Variants in MICU3 observed in about 807,000 individuals in gnomAD.
The protein encoded by MICU3 is mitochondrial calcium uptake 3.
In MICU3, 62 loss-of-function variants were observed where a neutral mutation model predicts 66.5. That is an observed-to-expected ratio of 0.93 (90% CI 0.76 to 1.15). The LOEUF (loss-of-function observed/expected upper bound fraction) is 1.15. MICU3 is among the 50% of genes most tolerant of loss of function. The pLI, the probability that MICU3 is intolerant of heterozygous loss-of-function variation, is 0.00. For missense variants in MICU3, 779 were observed against 664.4 expected, an observed-to-expected ratio of 1.17 and a Z score of -1.90; for synonymous variants, 308 against 240.7, an observed-to-expected ratio of 1.28 and a Z score of -2.59.
chr8:17,132,364 C>G, the MICU3 span: 1 of 152,272 alleles, frequency 6.6e-6, no homozygotes, highest in South Asian at 2.1e-4. Context: ...CCAGCCAGAA[C>G]CTGGTAGAGT....
chr8:17,027,316 C>A lies in MICU3; in HGVS notation c.37C>A (p.Arg13=), dbSNP rs761777555. 5.4e-5 allele frequency: 83 copies of A among 1,528,710 alleles called. No individual in the cohort carries two copies. The African/African-American group carries it at 9.7e-4, about 18-fold the overall frequency. 94.7% of individuals were successfully genotyped at this position (1,528,710 alleles called of 1,614,324 possible). ...GCGAAGGCTCTTGTGGCCGCCACCCCGGGTGTCTCCTCCACTCTGCGCTCA... is the reference window on the plus strand; with the variant it reads ...GCGAAGGCTCTTGTGGCCGCCACCCAGGGTGTCTCCTCCACTCTGCGCTCA... ...ALRRLLWPPP[R]VSPPLCAHQP... The change falls in exon 1 of 15, where the codon CGG becomes AGG. Residue 13 remains arginine (R), a synonymous_variant. Transcript: ENST00000318063.
Position 17,031,262 on chromosome 8 carries a change from T to TTTTTTTTTATTATTATTA in MICU3, c.381+3604_381+3605insTTTTTTATTATTATTATT, listed in dbSNP as rs111800861. 6.1e-3 allele frequency among the ~76,000 whole-genome samples: 843 copies of TTTTTTTTTATTATTATTA among 139,162 alleles called. 12 individuals are homozygous for TTTTTTTTTATTATTATTA. The highest frequency in any genetic ancestry group is 0.022 in the African/African-American group (797 of 37,046). The allele number at this position is 139,162 out of a possible 152,430, so 91.3% of individuals were successfully genotyped here. A position where few individuals can be genotyped will look rare whatever the true frequency, so the allele number is the denominator to read the frequency against. On this transcript the variant is annotated intron_variant, in intron 1 of 14. Transcript: ENST00000318063. ...ATTTTAAACCTATGCTGCCACTTCATTTATTATTATTATTATTATTATTAT... is the reference window on the plus strand; with the variant it reads ...ATTTTAAACCTATGCTGCCACTTCATTTTTTTTTATTATTATTATTATTATTATTATTATTATTATTAT...
In MICU3 at chr8:17,122,087, A is replaced by C. The variant is rs1455262491; in HGVS notation, c.*1800A>C. On this transcript the variant is annotated 3_prime_UTR_variant, in exon 15 of 15. Transcript: ENST00000318063. The stretch of plus-strand genomic sequence containing the variant: ...AAATTAGCCCATTGAAATCCTTTAT[A>C]ATTCTGTCATTTTCCCAAGGAAGAA... 1 of 151,792 alleles carries C rather than the reference A, an allele frequency of 6.6e-6. No homozygotes were observed. The highest frequency in any genetic ancestry group is 1.5e-5 in the Non-Finnish European group (1 of 67,730). 9.4% of individuals were successfully genotyped at this position (151,792 alleles called of 1,614,324 possible).
intron 6 of MICU3, 45 bp downstream of exon 6, chr8:17,085,363 T>C (rs755846418): frequency 6.0e-5 from 76 of 1,258,944 alleles, no homozygotes; most frequent in Non-Finnish European, 8.6e-5. Flanking sequence ...TAAATATTGC[T>C]TACTTATATT....
intron 1 of MICU3, among the ~76,000 whole-genome samples, chr8:17,036,401 G>T (rs557543566): frequency 6.6e-6 from 1 of 151,668 alleles, no homozygotes; most frequent in Non-Finnish European, 1.5e-5. Context: ...GGACCCGAGC[G>T]GGTTGCCAAT....
intron 1 of MICU3, among the ~76,000 whole-genome samples, chr8:17,046,749 G>GA: frequency 6.6e-6 from 1 of 151,910 alleles, no homozygotes; most frequent in Middle Eastern, 3.4e-3. Context: ...GATGGACAAG[G>GA]AAAAAAATCT....
In MICU3 at chr8:17,073,303, C is replaced by T. The variant is rs1327096909; in HGVS notation, c.567+3584C>T. Among the ~76,000 whole-genome samples, 6 of 152,282 alleles carry T rather than the reference C, an allele frequency of 3.9e-5. No individual in the cohort carries two copies. In the East Asian group the frequency reaches 1.2e-3, roughly 29 times the overall value. Reference sequence around the variant, plus strand: ...TCTCCATCACTCATTGCTCACATTACTGCCTGAGCTCTGCCTCCTGTTAGA... The same window carrying T: ...TCTCCATCACTCATTGCTCACATTATTGCCTGAGCTCTGCCTCCTGTTAGA... On this transcript the variant is annotated intron_variant, in intron 3 of 14. Transcript: ENST00000318063.
At chr8:17,123,935 A>G (rs1803334159), downstream of MICU3, among the ~76,000 whole-genome samples, 1 of 137,304 alleles carries the variant, frequency 7.3e-6, no homozygotes, top group Non-Finnish European at 1.6e-5. Flanking sequence ...TAAAAAGACA[A>G]CTCTAAAGTC....
At position 17,027,674 on chromosome 8, in the gene MICU3, C is replaced by G. The variant is rs776192080; in HGVS notation, c.381+14C>G. On this transcript the variant is annotated intron_variant, in intron 1 of 14. Transcript: ENST00000318063. ...GCCAAGGAGACGGTGAGTGCGCGAG[C>G]GCGCGTCACACCTGCGCGGGGGATG... The G allele has an allele frequency of 3.1e-6, 4 of 1,284,072 alleles. No homozygotes were observed. The highest frequency in any genetic ancestry group is 3.1e-5 in the African/African-American group (2 of 64,772). 79.5% of individuals were successfully genotyped at this position (1,284,072 alleles called of 1,614,324 possible).
At chr8:17,070,638 GTT>G (rs34903088) in intron 3 of MICU3, among the ~76,000 whole-genome samples, 31 of 140,114 alleles carry the variant, frequency 2.2e-4, no homozygotes, top group East Asian at 4.3e-4. Flanking sequence ...TTATAGATAT[GTT>G]TTTTTTTTTT....
chr8:17,088,398 G>A (rs1332844852), intron 7 of MICU3, among the ~76,000 whole-genome samples: 1 of 151,926 alleles, frequency 6.6e-6, no homozygotes, highest in Non-Finnish European at 1.5e-5. Flanking sequence ...TAGAGTATTA[G>A]CAAAGAAGAC....
Position 17,027,651 on chromosome 8 carries a change from C to G in MICU3, c.372C>G (p.Ala124=). 1 of 1,300,290 alleles carries G rather than the reference C, an allele frequency of 7.7e-7. No homozygotes were observed. 80.5% of individuals were successfully genotyped at this position (1,300,290 alleles called of 1,614,324 possible). A position where few individuals can be genotyped will look rare whatever the true frequency, so the allele number is the denominator to read the frequency against. ...TGCTGCCCATCCCAGTGGCGGCTGC[C>G]AAGGAGACGGTGAGTGCGCGAGCGC... is the stretch of plus-strand genomic sequence containing the variant. ...RGMLPIPVAA[A]KETVAIGRTD... The change falls in exon 1 of 15, where the codon GCC becomes GCG. Residue 124 remains alanine, a synonymous_variant. Coordinates refer to ENST00000318063, the MANE Select transcript of MICU3 (RefSeq NM_181723.3).
At chr8:17,129,734 A>C in the MICU3 span, among the ~76,000 whole-genome samples, 12 of 152,220 alleles carry the variant, frequency 7.9e-5, no homozygotes, top group Admixed American at 5.9e-4. Context: ...TAAAAGAAAA[A>C]TTGAAAAAGT....
chr8:17,069,846 C>G, intron 3 of MICU3, 127 bp downstream of exon 3: 2 of 271,286 alleles, frequency 7.4e-6, no homozygotes, highest in Non-Finnish European at 1.3e-5. Context: ...TTTGGCAAAT[C>G]AAATCACATC....
intron 1 of MICU3, among the ~76,000 whole-genome samples, chr8:17,056,934 A>G (rs561367273): frequency 6.6e-6 from 1 of 152,236 alleles, no homozygotes; most frequent in Non-Finnish European, 1.5e-5. Flanking sequence ...TAGATCTAAA[A>G]TATTCCCGGA....
intron 1 of MICU3, among the ~76,000 whole-genome samples, 180 bp downstream of exon 1, chr8:17,027,840 G>T (rs1283926555): frequency 6.6e-6 from 1 of 152,190 alleles, no homozygotes; most frequent in East Asian, 1.9e-4. Context: ...GTATTGGGAA[G>T]ACCAGTGATG....
chr8:17,082,874 T>G (rs750578366), intron 5 of MICU3, among the ~76,000 whole-genome samples: 26 of 152,186 alleles, frequency 1.7e-4, no homozygotes, highest in Non-Finnish European at 1.9e-4. Flanking sequence ...GAACAAGGAA[T>G]GTGTACATGC....
intron 5 of MICU3, among the ~76,000 whole-genome samples, chr8:17,083,995 G>A (rs1821576097): frequency 6.6e-6 from 1 of 152,078 alleles, no homozygotes; most frequent in African/African-American, 2.4e-5. Context: ...AGAAAGGTTA[G>A]GATCTTTGGG....
intron 4 of MICU3, among the ~76,000 whole-genome samples, chr8:17,080,132 A>G (rs1021193180): frequency 2.0e-5 from 3 of 151,836 alleles, no homozygotes; most frequent in African/African-American, 7.3e-5. Context: ...TTGAAGAGTT[A>G]GTTTTATAGT....
Sources: gnomAD v4.1 joint callset for allele counts (sites outside exome capture counted in the v4.1 genomes callset) on GRCh38, gnomAD v4.1.1 for gene constraint, MANE v1.5 for transcripts, NCBI Gene and HGNC (gene_info 2026-07-23, HGNC 2026-07-21) for gene names.